The following CA10 variants were observed in gnomAD, a reference collection of about 807,000 sequenced individuals.
CA10 encodes carbonic anhydrase-related protein 10.
Under a neutral mutation model 44.2 loss-of-function variants are expected in CA10, and 14 were observed. The observed-to-expected ratio is 0.32, with a 90% CI of 0.21 to 0.50. The LOEUF is 0.50. Ranked by LOEUF, CA10 falls within the 20% of genes least tolerant of loss-of-function variation. CA10 has a pLI of 0.99. For missense variants in CA10, 350 were observed against 409.7 expected (o/e 0.85, Z 1.26); for synonymous variants, 159 against 141.6 (o/e 1.12, Z -0.87).
chr17:51,854,799 G>A (rs1190376571), intron 3 of CA10, among the ~76,000 whole-genome samples: 1 of 152,190 alleles, frequency 6.6e-6, no homozygotes, highest in East Asian at 1.9e-4. Context: ...AAGCAAACCA[G>A]GGAATAATGT....
At chr17:52,155,044 T>C (rs1468840690) in intron 1 of CA10, among the ~76,000 whole-genome samples, 1 of 152,182 alleles carries the variant, frequency 6.6e-6, no homozygotes, top group Non-Finnish European at 1.5e-5. Flanking sequence ...CCAAATGAAA[T>C]TCAGTCAATA....
chr17:51,825,125 G>A (rs1907958458), intron 3 of CA10, among the ~76,000 whole-genome samples: 3 of 152,306 alleles, frequency 2.0e-5, no homozygotes, highest in African/African-American at 4.8e-5. Context: ...GAAATCATTA[G>A]CCATGTCAAA....
chr17:52,060,221 A>C (rs1228425860), intron 2 of CA10, among the ~76,000 whole-genome samples: 1 of 152,174 alleles, frequency 6.6e-6, no homozygotes, highest in Non-Finnish European at 1.5e-5. Context: ...ACAGAAATTC[A>C]GGAATTTTAT....
chr17:51,697,618 A>G (rs895747291), intron 4 of CA10, among the ~76,000 whole-genome samples: 1 of 152,218 alleles, frequency 6.6e-6, no homozygotes, highest in East Asian at 1.9e-4. Context: ...ATTAATTAGT[A>G]TCTATCTCCA....
chr17:51,858,295 A>AGCT (rs974726750), intron 3 of CA10, among the ~76,000 whole-genome samples: 8 of 152,230 alleles, frequency 5.3e-5, no homozygotes, highest in African/African-American at 1.9e-4. Flanking sequence ...GGCAGATGAG[A>AGCT]GCTTCATTTT....
intron 4 of CA10, among the ~76,000 whole-genome samples, chr17:51,711,039 TTAAG>T (rs1293044426): frequency 6.7e-6 from 1 of 149,480 alleles, no homozygotes; most frequent in African/African-American, 2.5e-5. Flanking sequence ...GTTTAAACAC[TTAAG>T]TTAATTAAAT....
chr17:52,071,623 C>A (rs942391501), intron 2 of CA10, among the ~76,000 whole-genome samples: 7 of 152,160 alleles, frequency 4.6e-5, no homozygotes, highest in Non-Finnish European at 8.8e-5. Context: ...ATTCTCACAT[C>A]TGAGCAGTTA....
chr17:51,945,076 G>A (rs2144022937), intron 2 of CA10, among the ~76,000 whole-genome samples: 1 of 152,212 alleles, frequency 6.6e-6, no homozygotes, highest in Non-Finnish European at 1.5e-5. Flanking sequence ...AAGAAGACCT[G>A]GGAGACTTCT....
intron 2 of CA10, among the ~76,000 whole-genome samples, chr17:52,049,768 A>G (rs1987007305): frequency 6.6e-6 from 1 of 152,126 alleles, no homozygotes; most frequent in Non-Finnish European, 1.5e-5. Flanking sequence ...CAAAATTAGC[A>G]TGACTAAAAC....
intron 3 of CA10, among the ~76,000 whole-genome samples, chr17:51,797,382 C>T (rs1012823628): frequency 3.9e-5 from 6 of 152,196 alleles, no homozygotes; most frequent in African/African-American, 4.8e-5. Context: ...ACGCACACCC[C>T]GCCCTCCACT....
intron 2 of CA10, among the ~76,000 whole-genome samples, chr17:51,968,693 A>T (rs1166088101): frequency 6.6e-6 from 1 of 151,870 alleles, no homozygotes; most frequent in Non-Finnish European, 1.5e-5. Context: ...ACCACAAAAG[A>T]GTGAATTTTA....
intron 3 of CA10, among the ~76,000 whole-genome samples, chr17:51,878,143 C>CAAAAAAAAAAA (rs558014863): frequency 3.1e-5 from 2 of 63,686 alleles, no homozygotes; most frequent in Non-Finnish European, 5.4e-5. Context: ...GACTCCGTCT[C>CAAAAAAAAAAA]AAAAAAAAAA....
intron 2 of CA10, among the ~76,000 whole-genome samples, chr17:51,960,321 C>A (rs1983840567): frequency 6.6e-6 from 1 of 151,778 alleles, no homozygotes; most frequent in South Asian, 2.1e-4. Context: ...CCAGAGGGGG[C>A]AGGTAAGAGA....
intron 3 of CA10, among the ~76,000 whole-genome samples, chr17:51,860,758 G>A (rs1002647575): frequency 4.1e-4 from 63 of 152,098 alleles, no homozygotes; most frequent in African/African-American, 1.5e-3. Flanking sequence ...ACACTACATA[G>A]CAGTTATTGA....
At chr17:51,782,770 C>G (rs2143680903) in intron 3 of CA10, among the ~76,000 whole-genome samples, 1 of 152,284 alleles carries the variant, frequency 6.6e-6, no homozygotes, top group Non-Finnish European at 1.5e-5. Context: ...CCTGGTTCAG[C>G]AGGGAGGCAG....
chr17:52,056,145 G>A (rs2143071225), intron 2 of CA10, among the ~76,000 whole-genome samples: 1 of 152,140 alleles, frequency 6.6e-6, no homozygotes, highest in Admixed American at 6.6e-5. Flanking sequence ...ACAGCGGGCT[G>A]CAAAGGAACC....
intron 3 of CA10, among the ~76,000 whole-genome samples, chr17:51,875,745 C>T (rs1434950922): frequency 6.6e-6 from 1 of 152,048 alleles, no homozygotes; most frequent in Non-Finnish European, 1.5e-5. Flanking sequence ...TAGCCACTGC[C>T]AAAATCAGGA....
intron 3 of CA10, among the ~76,000 whole-genome samples, chr17:51,790,539 A>C (rs1433062359): frequency 2.0e-5 from 3 of 152,154 alleles, no homozygotes; most frequent in Non-Finnish European, 4.4e-5. Context: ...ATTTCTTTTC[A>C]TGAATTCACC....
intron 2 of CA10, among the ~76,000 whole-genome samples, chr17:52,065,740 C>A (rs946659767): frequency 1.3e-5 from 2 of 152,168 alleles, no homozygotes; most frequent in Admixed American, 6.5e-5. Context: ...GCCTTAATTC[C>A]CAGAGCTCTT....
Sources: allele counts gnomAD v4.1 joint callset (sites outside exome capture counted in the v4.1 genomes callset), GRCh38; gene constraint gnomAD v4.1.1; transcripts MANE v1.5; gene names NCBI Gene and HGNC (gene_info 2026-07-23, HGNC 2026-07-21).